TBX1: variants seen among roughly 807,000 people sequenced by gnomAD.
TBX1 encodes the protein T-box transcription factor TBX1.
TBX1 carries 16 observed loss-of-function variants against 40.8 expected under a neutral mutation model. The ratio of observed to expected loss-of-function variants is 0.39; its 90% CI spans 0.27 to 0.60. The LOEUF (loss-of-function observed/expected upper bound fraction) is 0.60, where lower values mean the gene tolerates loss of function less well. TBX1 is among the 20% of genes least tolerant of loss of function. The pLI, the probability that TBX1 is intolerant of heterozygous loss-of-function variation, is 0.51. For missense variants in TBX1, 755 were observed against 728.5 expected (o/e 1.04, Z -0.42); for synonymous variants, 403 against 336.8 (o/e 1.20, Z -2.15).
chr22:19,757,213 T>C (rs1936507244), upstream of TBX1, among the ~76,000 whole-genome samples: 1 of 152,146 alleles, frequency 6.6e-6, no homozygotes, highest in Non-Finnish European at 1.5e-5. Context: ...GTCGCCCTTC[T>C]GGTTGACCAG....
downstream of TBX1, among the ~76,000 whole-genome samples, chr22:19,770,005 T>C (rs568054062): frequency 6.6e-6 from 1 of 152,346 alleles, no homozygotes; most frequent in African/African-American, 2.4e-5. Flanking sequence ...TGTAAGCTGC[T>C]GTGATGGGCA....
chr22:19,768,953 C>CTTTTTGTTTTTTTTTTTT (rs1936939522), downstream of TBX1, among the ~76,000 whole-genome samples: 1 of 66,108 alleles, frequency 1.5e-5, no homozygotes, highest in African/African-American at 5.1e-5. Flanking sequence ...TGTTCGCATT[C>CTTTTTGTTTTTTTTTTTT]TTTTTTTTTT....
intron 3 of TBX1, among the ~76,000 whole-genome samples, 198 bp downstream of exon 3, chr22:19,764,524 TGAG>T (rs1936771120): frequency 2.0e-5 from 3 of 152,230 alleles, no homozygotes; most frequent in South Asian, 2.1e-4. Flanking sequence ...GGTGTGCCGA[TGAG>T]GAGAGCGGCC....
At chr22:19,782,837 A>T, downstream of TBX1, 1 of 1,612,786 alleles carries the variant, frequency 6.2e-7, no homozygotes, top group East Asian at 2.2e-5. Context: ...GACAAGCCTT[A>T]TTTGATAAAG....
rs1206337731 is a variant in TBX1 at position 19,764,946 on chromosome 22, C to T, written c.712-12C>T. On this transcript the variant is annotated splice_polypyrimidine_tract_variant and intron_variant, in intron 3 of 6. Coordinates refer to ENST00000649276, the MANE Select transcript of TBX1 (RefSeq NM_001379200.1). The stretch of plus-strand genomic sequence containing the variant: ...CCCACCGCTGGAGCTGATTCCCCAC[C>T]TTGTCTTCCAGATTATTCTGAATTC... 2 of 1,613,966 alleles carry T rather than the reference C, an allele frequency of 1.2e-6. No individual in the cohort carries two copies. Among genetic ancestry groups the T allele is most frequent in the Admixed American group, 3.3e-5 (2 of 60,024 alleles).
intron 8 of TBX1, among the ~76,000 whole-genome samples, chr22:19,772,365 G>T (rs1204365790): frequency 6.6e-6 from 1 of 152,120 alleles, no homozygotes; most frequent in Non-Finnish European, 1.5e-5. Flanking sequence ...GAGTGCAGTG[G>T]TGTGATCATG....
rs1271853612 is a variant in TBX1 at position 19,764,332 on chromosome 22, C to T, written c.711+6C>T. The T allele has an allele frequency of 1.1e-5, 18 of 1,609,732 alleles. No homozygotes were observed. The highest frequency in any genetic ancestry group is 1.4e-5 in the Non-Finnish European group (16 of 1,179,838). ...TACTGGACGACAACGGCCACGTGAG[C>T]GACTGCCTCCCCAGGCTCCGGTGTC... On this transcript the variant is annotated splice_donor_region_variant and intron_variant, in intron 3 of 6. Transcript: ENST00000649276.
intron 1 of TBX1, among the ~76,000 whole-genome samples, chr22:19,762,480 C>T (rs1050628237): frequency 6.6e-6 from 1 of 152,254 alleles, no homozygotes; most frequent in Non-Finnish European, 1.5e-5. Context: ...AGCCCATGGC[C>T]TACACCCGTC....
chr22:19,766,104 C>T (rs1307140818), intron 6 of TBX1, 102 bp downstream of exon 6: 1 of 1,050,644 alleles, frequency 9.5e-7, no homozygotes, highest in Non-Finnish European at 1.2e-6. Context: ...GCGCTCCAGG[C>T]TTTCGCGCCG....
At chr22:19,763,770 C>T (rs924473346) in intron 2 of TBX1, 4 of 397,560 alleles carry the variant, frequency 1.0e-5, no homozygotes, top group South Asian at 3.2e-5. Context: ...CTCAGCTGCC[C>T]GGACAATTAA....
At position 19,761,001 on chromosome 22, in the gene TBX1, C is replaced by T. The variant is rs1403071771; in HGVS notation, c.158C>T (p.Pro53Leu). The change falls in exon 1 of 7, where the codon CCG becomes CTG. Residue 53 changes from proline (P) to leucine (L), a missense_variant. Physicochemically the swap from Pro to Leu is moderately conservative, Grantham distance 98. This residue lies in a region of TBX1 where 199 missense variants were observed against 173.0 expected (regional missense o/e 1.15). Transcript: ENST00000649276. The stretch of plus-strand genomic sequence containing the variant: ...GACCCGTACGGCCCGCGCGAGCCCC[C>T]GCCGCCGCCGCCGCGCTACGACCCG... ...GADPYGPREPPPPPPRYDPCA... is the reference protein window; with the variant it reads ...GADPYGPREPLPPPPRYDPCA... 6.0e-6 allele frequency: 5 copies of T among 826,696 alleles called. No homozygotes were observed. Among genetic ancestry groups the T allele is most frequent in the Middle Eastern group, 6.1e-4 (1 of 1,632 alleles). The allele number at this position is 826,696 out of a possible 1,614,324, so 51.2% of individuals were successfully genotyped here.
chr22:19,783,299 C>T (rs943425750), downstream of TBX1: 10 of 438,986 alleles, frequency 2.3e-5, no homozygotes, highest in Non-Finnish European at 4.3e-5. Context: ...TTTCTCTACA[C>T]CCCACATTTT....
Position 19,766,015 on chromosome 22 carries a change from T to C in TBX1, c.1036+13T>C. ...GGCACGGAGAAAGGTAGGGCCGGGG[T>C]CGTGGGATCCGGGTTCCGGCCCTGT... On this transcript the variant is annotated intron_variant, in intron 6 of 6. Coordinates refer to ENST00000649276, the MANE Select transcript of TBX1 (RefSeq NM_001379200.1). 2 of 1,492,514 alleles carry C rather than the reference T, an allele frequency of 1.3e-6. No homozygotes were observed. The highest frequency in any genetic ancestry group is 8.9e-7 in the Non-Finnish European group (1 of 1,127,952). 92.5% of individuals were successfully genotyped at this position (1,492,514 alleles called of 1,614,324 possible).
At chr22:19,770,563 C>T (rs1280464809), downstream of TBX1, among the ~76,000 whole-genome samples, 1 of 152,232 alleles carries the variant, frequency 6.6e-6, no homozygotes, top group Non-Finnish European at 1.5e-5. Context: ...TGTTTGGTGG[C>T]ACCTTGAGCT....
chr22:19,770,753 G>A (rs537543439), downstream of TBX1, among the ~76,000 whole-genome samples: 7 of 152,302 alleles, frequency 4.6e-5, no homozygotes, highest in Admixed American at 3.3e-4. Context: ...CAAAGCACCC[G>A]CATACCAGAG....
At position 19,761,197 on chromosome 22, in the gene TBX1, T is replaced by A. The variant is rs780978730; in HGVS notation, c.354T>A (p.Gly118=). The change falls in exon 1 of 7, where the codon GGT becomes GGA. Residue 118 remains glycine, a synonymous_variant. Transcript: ENST00000649276. ...APVKKNAKVA[G]VSVQLEMKAL... ...TGAAGAAGAACGCGAAGGTGGCCGG[T>A]GTGAGCGTGCAGCTAGAGATGAAGG... 3.2e-6 allele frequency: 5 copies of A among 1,557,348 alleles called. No homozygotes were observed. The East Asian group carries it at 1.3e-4, about 40-fold the overall frequency.
chr22:19,782,372 A>C (rs181725112), downstream of TBX1, among the ~76,000 whole-genome samples: 18 of 152,296 alleles, frequency 1.2e-4, no homozygotes, highest in Admixed American at 2.6e-4. Context: ...TCACCTCCCT[A>C]GTTAAGCTAA....
Position 19,776,211 on chromosome 22 carries a change from T to C in TBX1, c.1010-3009T>C, listed in dbSNP as rs368367931. ...TGGGGCCTGTGCTCGTGGCTCCGTG[T>C]CTGCCCGTGGTCTCCCTCTCTCTCA... is the stretch of plus-strand genomic sequence containing the variant. On this transcript the variant is annotated intron_variant, in intron 8 of 8. Transcript: ENST00000329705. Among the ~76,000 whole-genome samples, 121 of 152,160 alleles carry C rather than the reference T, an allele frequency of 8.0e-4. 1 individual carries two copies. The highest frequency in any genetic ancestry group is 2.9e-3 in the African/African-American group (119 of 41,494).
intron 2 of TBX1, chr22:19,763,592 T>A (rs1230474786): frequency 1.1e-5 from 6 of 554,204 alleles, no homozygotes; most frequent in Non-Finnish European, 1.9e-5. Flanking sequence ...TGGGCTGGTG[T>A]GGCCCTAGGG....
Sources: gnomAD v4.1 joint callset for allele counts (sites outside exome capture counted in the v4.1 genomes callset) on GRCh38, gnomAD v4.1.1 for gene constraint, gnomAD v4.1.1 regional missense constraint, MANE v1.5 for transcripts, NCBI Gene and HGNC (gene_info 2026-07-23, HGNC 2026-07-21) for gene names.